The following ATXN3L variants were observed in gnomAD, a reference collection of about 807,000 sequenced individuals.
The protein encoded by ATXN3L is ataxin 3 like.
For missense variants in ATXN3L, 283 were observed against 255.2 expected, an observed-to-expected ratio of 1.11 and a Z score of -0.74; for synonymous variants, 98 against 96.1, an observed-to-expected ratio of 1.02 and a Z score of -0.12.
At position 13,319,408 on chromosome X, in the gene ATXN3L, T is replaced by A; in HGVS notation, c.527A>T (p.Gln176Leu). ...TTCGACACTGATGATCTGCAGGAGT[T>A]GGTCAGCTTCACAGTCTGGCAGATC... ...KGDLPDCEAD[Q>L]LLQIISVEEM... The change falls in exon 1 of 1, where the codon CAA (glutamine) becomes CTA (leucine). Residue 176 changes from glutamine (Q) to leucine (L), a missense_variant. Transcript: ENST00000380622. The A allele has an allele frequency of 8.3e-7, 1 of 1,211,900 alleles. No individual in the cohort carries two copies. Among genetic ancestry groups the A allele is most frequent in the Non-Finnish European group, 1.1e-6 (1 of 895,495 alleles).
At position 13,319,001 on chromosome X, in the gene ATXN3L, C is replaced by T. The variant is rs369915965; in HGVS notation, c.934G>A (p.Glu312Lys). 3.3e-5 allele frequency: 40 copies of T among 1,210,102 alleles called. No individual in the cohort carries two copies. Among genetic ancestry groups the T allele is most frequent in the South Asian group, 8.8e-5 (5 of 56,836 alleles). Residue 312 changes from glutamate (E) to lysine (K), a missense_variant, in exon 1 of 1, where the codon GAA (glutamate) becomes AAA (lysine). Physicochemically the swap from Glu to Lys is moderately conservative, Grantham distance 56. Transcript: ENST00000380622. ...DLPGHSSYLH[E>K]RPTTSSRAIE... ...GCTCTCGAACTTGTTGTTGGCCTTT[C>T]GTGTAGGTATGAACTGTGGCCCGGC...
rs1453756944 is a variant in ATXN3L, at chrX:13,319,811, C to G, written c.124G>C (p.Glu42Gln). 3 of 1,210,070 alleles carry G rather than the reference C, an allele frequency of 2.5e-6. No individual in the cohort carries two copies. Among genetic ancestry groups the G allele is most frequent in the South Asian group, 1.8e-5 (1 of 56,830 alleles). Residue 42 changes from glutamate (E) to glutamine (Q), a missense_variant, in exon 1 of 1, where the codon GAA (glutamate) becomes CAA (glutamine). Physicochemically the swap from Glu to Gln is conservative, Grantham distance 29. Transcript: ENST00000380622. ...ELASIAHQLD[E>Q]EERMRMAEGG... The stretch of plus-strand genomic sequence containing the variant: ...TCTGCCATTCTCATCCTCTCTTCTT[C>G]ATCTAGCTGATGTGCAATTGAGGCT...
chrX:13,319,690 T>C lies in ATXN3L; in HGVS notation c.245A>G (p.Asn82Ser). 1 of 1,211,665 alleles carries C rather than the reference T, an allele frequency of 8.3e-7. No homozygotes were observed. The highest frequency in any genetic ancestry group is 1.1e-6 in the Non-Finnish European group (1 of 895,285). ...CTCTAAACCCCAGAACTTCAAGGCA[T>C]TGCTTATTACCTGAATGGAGAAGAA... ...TGFFSIQVIS[N>S]ALKFWGLEII... The change falls in exon 1 of 1, where the codon AAT becomes AGT. Residue 82 changes from asparagine to serine, a missense_variant. Transcript: ENST00000380622.
rs1049231057 is a variant in ATXN3L, at chrX:13,319,581, T to C, written c.354A>G (p.Gln118=). The change falls in exon 1 of 1, where the codon CAA becomes CAG. Residue 118 remains glutamine (Q), a synonymous_variant. Transcript: ENST00000380622. ...NERSFICNYK[Q]HWFTIRKFGK... ...CAAATTTTCTAATAGTAAACCAGTGTTGTTTATAATTACATATAAAAGATC... is the reference window on the plus strand; with the variant it reads ...CAAATTTTCTAATAGTAAACCAGTGCTGTTTATAATTACATATAAAAGATC... 8.3e-7 allele frequency: 1 copy of C among 1,209,582 alleles called. No individual in the cohort carries two copies.
In ATXN3L at chrX:13,318,935, C is replaced by CTG. The variant is rs779303424; in HGVS notation, c.998_999dup (p.Val334GlnfsTer10). 2 of 1,211,699 alleles carry CTG rather than the reference C, an allele frequency of 1.7e-6. No homozygotes were observed. The highest frequency in any genetic ancestry group is 2.2e-6 in the Non-Finnish European group (2 of 895,297). On this transcript the variant is annotated frameshift_variant, in exon 1 of 1. Transcript: ENST00000380622. LOFTEE classifies it high-confidence loss of function. ...AAAATGGTGTCGACAGCGGCCTGTACTGTGCCTTCACTGATGTCATCACTG... is the reference window on the plus strand; with the variant it reads ...AAAATGGTGTCGACAGCGGCCTGTACTGTGTGCCTTCACTGATGTCATCACTG...
In ATXN3L at chrX:13,319,115, G is replaced by A. The variant is rs1253481587; in HGVS notation, c.820C>T (p.Pro274Ser). 3 of 1,211,286 alleles carry A rather than the reference G, an allele frequency of 2.5e-6. No homozygotes were observed. The highest frequency in any genetic ancestry group is 3.5e-5 in the South Asian group (2 of 56,955). ...ATTTTCTTCGGCTGTTCTGAAGCAGGAGTTACACATGATGTCTTTGGAAGA... is the reference window on the plus strand; with the variant it reads ...ATTTTCTTCGGCTGTTCTGAAGCAGAAGTTACACATGATGTCTTTGGAAGA... ...QDLPKTSCVT[P>S]ASEQPKKIKE... is the part of the protein sequence containing the mutation. The change falls in exon 1 of 1, where the codon CCT becomes TCT. Residue 274 changes from proline (P) to serine (S), a missense_variant. Transcript: ENST00000380622.
In ATXN3L at chrX:13,319,680, C is replaced by T; in HGVS notation, c.255G>A (p.Lys85=). The change falls in exon 1 of 1, where the codon AAG becomes AAA. Residue 85 remains lysine (K), a synonymous_variant. Transcript: ENST00000380622. The part of the protein sequence containing the change: ...FSIQVISNAL[K]FWGLEIIHFN... ...AATGGATGATCTCTAAACCCCAGAA[C>T]TTCAAGGCATTGCTTATTACCTGAA... The T allele has an allele frequency of 8.3e-7, 1 of 1,211,650 alleles. No homozygotes were observed. The highest frequency in any genetic ancestry group is 1.1e-6 in the Non-Finnish European group (1 of 895,283).
chrX:13,319,106 C>T lies in ATXN3L; in HGVS notation c.829G>A (p.Glu277Lys), dbSNP rs751755939. Residue 277 changes from glutamate to lysine, a missense_variant, in exon 1 of 1, where the codon GAA (glutamate) becomes AAA (lysine). Physicochemically the swap from Glu to Lys is moderately conservative, Grantham distance 56. Transcript: ENST00000380622. ...PKTSCVTPAS[E>K]QPKKIKEDYF... ...TCTTCTTTTATTTTCTTCGGCTGTT[C>T]TGAAGCAGGAGTTACACATGATGTC... 1.9e-5 allele frequency: 23 copies of T among 1,211,388 alleles called. No individual in the cohort carries two copies. The South Asian group carries it at 3.9e-4, about 20-fold the overall frequency.
rs1181705785 is a variant in ATXN3L at position 13,319,144 on chromosome X, T to G, written c.791A>C (p.Gln264Pro). The change falls in exon 1 of 1, where the codon CAA becomes CCA. Residue 264 changes from glutamine to proline, a missense_variant. Coordinates refer to ENST00000380622, the MANE Select transcript of ATXN3L (RefSeq NM_001135995.2). ...SMQGSSGNTS[Q>P]DLPKTSCVTP... is the part of the protein sequence containing the mutation. ...TACACATGATGTCTTTGGAAGATCT[T>G]GCGATGTGTTTCCGGAACTACCTTG... The G allele has an allele frequency of 8.3e-7, 1 of 1,210,019 alleles. No homozygotes were observed. The highest frequency in any genetic ancestry group is 1.1e-6 in the Non-Finnish European group (1 of 895,227).
Position 13,318,803 on chromosome X carries a change from C to T in ATXN3L, c.*64G>A, listed in dbSNP as rs1235362272. 74 of 994,243 alleles carry T rather than the reference C, an allele frequency of 7.4e-5. No homozygotes were observed. Among genetic ancestry groups the T allele is most frequent in the South Asian group, 4.5e-4 (19 of 41,866 alleles). 81.9% of individuals were successfully genotyped at this position (994,243 alleles called of 1,213,427 possible). On this transcript the variant is annotated 3_prime_UTR_variant, in exon 1 of 1. Transcript: ENST00000380622. ...TCTTTGACAGATGACCAAAATGGAT[C>T]CTACAGTATAATCACACAGGATAAT...
rs138056772 is a variant in ATXN3L, at chrX:13,319,522, G to T, written c.413C>A (p.Ala138Glu). The change falls in exon 1 of 1, where the codon GCG (alanine) becomes GAG (glutamate). Residue 138 changes from alanine to glutamate, a missense_variant. Transcript: ENST00000380622. ...TGTATCTGATATTAATTCTGGACCC[G>T]CCAAGAGAGAATTCAAGTTAAACCA... Reference protein sequence around the residue: ...KHWFNLNSLLAGPELISDTCL... With the variant: ...KHWFNLNSLLEGPELISDTCL... 1 of 1,211,337 alleles carries T rather than the reference G, an allele frequency of 8.3e-7. No homozygotes were observed. Among genetic ancestry groups the T allele is most frequent in the Non-Finnish European group, 1.1e-6 (1 of 895,290 alleles).
Position 13,319,212 on chromosome X carries a change from A to G in ATXN3L, c.723T>C (p.Asn241=), listed in dbSNP as rs767667974. 8.3e-6 allele frequency: 10 copies of G among 1,209,745 alleles called. No homozygotes were observed. The highest frequency in any genetic ancestry group is 7.1e-5 in the South Asian group (4 of 56,698). Residue 241 remains asparagine, a synonymous_variant, in exon 1 of 1, where the codon AAT becomes AAC. Transcript: ENST00000380622. ...RALELSRQET[N]REDEHLRSTI... Reference sequence around the variant, plus strand: ...TACTGCGGAGATGTTCATCTTCTCTATTGGTTTCTTGGCGGCTTAGTTCAA... The same window carrying G: ...TACTGCGGAGATGTTCATCTTCTCTGTTGGTTTCTTGGCGGCTTAGTTCAA...
rs763881218 is a variant in ATXN3L at position 13,319,818 on chromosome X, C to G, written c.117G>C (p.Gln39His). 2 of 1,211,207 alleles carry G rather than the reference C, an allele frequency of 1.7e-6. No individual in the cohort carries two copies. The highest frequency in any genetic ancestry group is 4.3e-5 in the Admixed American group (2 of 46,059). Residue 39 changes from glutamine (Q) to histidine (H), a missense_variant, in exon 1 of 1, where the codon CAG (glutamine) becomes CAC (histidine). Coordinates refer to ENST00000380622, the MANE Select transcript of ATXN3L (RefSeq NM_001135995.2). Reference protein sequence around the residue: ...SPVELASIAHQLDEEERMRMA... With the variant: ...SPVELASIAHHLDEEERMRMA... ...TTCTCATCCTCTCTTCTTCATCTAG[C>G]TGATGTGCAATTGAGGCTAATTCCA...
Position 13,319,614 on chromosome X carries a change from T to C in ATXN3L, c.321A>G (p.Ile107Met). ...AATTACATATAAAAGATCTTTCATT[T>C]ATAGGATCAATGCCGAGCTTCTGAT... The part of the protein sequence containing the change: ...PEYQKLGIDP[I>M]NERSFICNYK... Residue 107 changes from isoleucine (I) to methionine (M), a missense_variant, in exon 1 of 1, where the codon ATA becomes ATG. Coordinates refer to ENST00000380622, the MANE Select transcript of ATXN3L (RefSeq NM_001135995.2). 8.3e-7 allele frequency: 1 copy of C among 1,211,175 alleles called. No individual in the cohort carries two copies. Among genetic ancestry groups the C allele is most frequent in the Non-Finnish European group, 1.1e-6 (1 of 894,997 alleles).
In ATXN3L at chrX:13,319,683, C is replaced by A. The variant is rs768829264; in HGVS notation, c.252G>T (p.Leu84Phe). 3.1e-5 allele frequency: 37 copies of A among 1,211,570 alleles called. No homozygotes were observed. Among genetic ancestry groups the A allele is most frequent in the Middle Eastern group, 4.6e-4 (2 of 4,354 alleles). ...FFSIQVISNA[L>F]KFWGLEIIHF... is the part of the protein sequence containing the mutation. ...GGATGATCTCTAAACCCCAGAACTT[C>A]AAGGCATTGCTTATTACCTGAATGG... is the stretch of plus-strand genomic sequence containing the variant. The change falls in exon 1 of 1, where the codon TTG becomes TTT. Residue 84 changes from leucine (L) to phenylalanine (F), a missense_variant. Transcript: ENST00000380622.
Position 13,319,320 on chromosome X carries a change from A to G in ATXN3L, c.615T>C (p.Tyr205=), listed in dbSNP as rs1310392882. 2.5e-6 allele frequency: 3 copies of G among 1,209,214 alleles called. No individual in the cohort carries two copies. Among genetic ancestry groups the G allele is most frequent in the Non-Finnish European group, 2.2e-6 (2 of 894,688 alleles). ...KLVKQKEHRV[Y]KTVLEKVSEE... is the part of the protein sequence containing the mutation. ...CTGATACTTTTTCAAGGACTGTTTTATAGACTCTATGCTCTTTTTGTTTTA... is the reference window on the plus strand; with the variant it reads ...CTGATACTTTTTCAAGGACTGTTTTGTAGACTCTATGCTCTTTTTGTTTTA... Residue 205 remains tyrosine (Y), a synonymous_variant, in exon 1 of 1, where the codon TAT becomes TAC. Coordinates refer to ENST00000380622, the MANE Select transcript of ATXN3L (RefSeq NM_001135995.2).
Position 13,319,468 on chromosome X carries a change from T to C in ATXN3L, c.467A>G (p.Gln156Arg). 8.3e-7 allele frequency: 1 copy of C among 1,211,545 alleles called. No homozygotes were observed. The highest frequency in any genetic ancestry group is 3.0e-5 in the East Asian group (1 of 33,867). The change falls in exon 1 of 1, where the codon CAA becomes CGA. Residue 156 changes from glutamine to arginine, a missense_variant. By Grantham distance (43) the Gln-to-Arg change is conservative. Transcript: ENST00000380622. ...TCLANFLARL[Q>R]QQAYSVFVVK... ...AACAAATACAGAATATGCTTGTTGT[T>C]GTAATCGAGCCAAGAAATTTGCAAG...
Position 13,318,935 on chromosome X carries a change from C to A in ATXN3L, c.1000G>T (p.Val334Leu), listed in dbSNP as rs769214229. 2.5e-6 allele frequency: 3 copies of A among 1,211,699 alleles called. No individual in the cohort carries two copies. Among genetic ancestry groups the A allele is most frequent in the Non-Finnish European group, 3.4e-6 (3 of 895,297 alleles). ...AAAATGGTGTCGACAGCGGCCTGTA[C>A]TGTGCCTTCACTGATGTCATCACTG... Reference protein sequence around the residue: ...DLSDDISEGTVQAAVDTILEI... With the variant: ...DLSDDISEGTLQAAVDTILEI... The change falls in exon 1 of 1, where the codon GTA (valine) becomes TTA (leucine). Residue 334 changes from valine (V) to leucine (L), a missense_variant. Transcript: ENST00000380622.
Position 13,319,382 on chromosome X carries a change from C to G in ATXN3L, c.553G>C (p.Glu185Gln), listed in dbSNP as rs769343025. Reference sequence around the variant, plus strand: ...CCATTAAGTTTTGGTGTATCCATCTCTTCGACACTGATGATCTGCAGGAGT... The same window carrying G: ...CCATTAAGTTTTGGTGTATCCATCTGTTCGACACTGATGATCTGCAGGAGT... ...DQLLQIISVE[E>Q]MDTPKLNGKK... Residue 185 changes from glutamate to glutamine, a missense_variant, in exon 1 of 1, where the codon GAG becomes CAG. Coordinates refer to ENST00000380622, the MANE Select transcript of ATXN3L (RefSeq NM_001135995.2). The G allele has an allele frequency of 1.2e-5, 15 of 1,211,360 alleles. No individual in the cohort carries two copies. Among genetic ancestry groups the G allele is most frequent in the Non-Finnish European group, 1.7e-5 (15 of 895,320 alleles).
Sources: allele counts gnomAD v4.1 joint callset, GRCh38; gene constraint gnomAD v4.1.1; transcripts MANE v1.5; gene names NCBI Gene and HGNC (gene_info 2026-07-23, HGNC 2026-07-21).